The following MGAT5 variants were observed in gnomAD, a reference collection of about 807,000 sequenced individuals.
MGAT5 encodes the protein alpha-1,6-mannosylglycoprotein 6-beta-N-acetylglucosaminyltransferase A.
In MGAT5, 30 loss-of-function variants were observed where a neutral mutation model predicts 94.3. The observed-to-expected ratio is 0.32, with a 90% CI of 0.24 to 0.43. MGAT5 has a LOEUF of 0.43. MGAT5 is among the 20% of genes least tolerant of loss of function. MGAT5 has a pLI of 1.00. For synonymous variants in MGAT5, 310 were observed against 322.9 expected, an observed-to-expected ratio of 0.96 and a Z score of 0.43; for missense variants, 691 against 905.5, an observed-to-expected ratio of 0.76 and a Z score of 3.04.
intron 1 of MGAT5, among the ~76,000 whole-genome samples, chr2:134,187,762 C>T (rs905549150): frequency 3.9e-5 from 6 of 152,234 alleles, no homozygotes; most frequent in Non-Finnish European, 8.8e-5. Context: ...AGGCCACCCA[C>T]TGATCTCATT....
At chr2:134,415,036 T>C (rs1173695204) in intron 12 of MGAT5, among the ~76,000 whole-genome samples, 1 of 152,250 alleles carries the variant, frequency 6.6e-6, no homozygotes, top group African/African-American at 2.4e-5. Context: ...ACTTAGTTTG[T>C]TTCCATATCT....
At chr2:134,240,156 C>T (rs2105440618) in intron 1 of MGAT5, among the ~76,000 whole-genome samples, 1 of 152,264 alleles carries the variant, frequency 6.6e-6, no homozygotes, top group South Asian at 2.1e-4. Flanking sequence ...TTTCACCTGG[C>T]CTTTCTCTTC....
chr2:134,209,156 T>A lies in MGAT5; in HGVS notation c.-142-45106T>A, dbSNP rs1409799003. Among the ~76,000 whole-genome samples, 29 of 20,166 alleles carry A rather than the reference T, an allele frequency of 1.4e-3. 8 individuals carry two copies. The highest frequency in any genetic ancestry group is 5.3e-3 in the African/African-American group (4 of 750). 13.2% of individuals were successfully genotyped at this position (20,166 alleles called of 152,430 possible). A position where few individuals can be genotyped will look rare whatever the true frequency, so the allele number is the denominator to read the frequency against. Reference sequence around the variant, plus strand: ...GAACTGGCTTATTTTTTTTTTATTTTTTTTTTTTTTTTTATTTTTTTTTTT... The same window carrying A: ...GAACTGGCTTATTTTTTTTTTATTTATTTTTTTTTTTTTATTTTTTTTTTT... On this transcript the variant is annotated intron_variant, in intron 1 of 16. Coordinates refer to the MGAT5 transcript ENST00000409645.
intron 13 of MGAT5, among the ~76,000 whole-genome samples, chr2:134,427,592 T>C (rs867844727): frequency 6.6e-6 from 1 of 152,204 alleles, no homozygotes; most frequent in African/African-American, 2.4e-5. Context: ...CCCATAATAC[T>C]GAGCTGCAGT....
chr2:134,269,062 T>G (rs549714508), intron 1 of MGAT5, among the ~76,000 whole-genome samples: 1 of 152,360 alleles, frequency 6.6e-6, no homozygotes, highest in Middle Eastern at 3.4e-3. Flanking sequence ...CGGAGTCACA[T>G]CTACCTCATG....
chr2:134,426,734 C>T (rs1203306865), intron 13 of MGAT5, among the ~76,000 whole-genome samples: 1 of 149,282 alleles, frequency 6.7e-6, no homozygotes, highest in Admixed American at 6.6e-5. Context: ...AAAAATTTTA[C>T]ATTTTGTGTG....
chr2:134,154,981 C>T (rs575081759), intron 1 of MGAT5, among the ~76,000 whole-genome samples: 1 of 152,276 alleles, frequency 6.6e-6, no homozygotes, highest in Non-Finnish European at 1.5e-5. Flanking sequence ...AATGCTAACT[C>T]TTAGGAATAA....
chr2:134,403,240 G>A (rs1235522582), intron 11 of MGAT5, 103 bp downstream of exon 11: 1 of 1,286,802 alleles, frequency 7.8e-7, no homozygotes, highest in Non-Finnish European at 1.0e-6. Flanking sequence ...ATAAACTCTT[G>A]TGGCTATTTT....
chr2:134,409,855 C>T (rs928491651), intron 11 of MGAT5, among the ~76,000 whole-genome samples: 6 of 152,132 alleles, frequency 3.9e-5, no homozygotes, highest in Non-Finnish European at 5.9e-5. Context: ...GTGAAGAAAA[C>T]GTATGGTGCC....
At chr2:134,397,797 G>A (rs1167205454) in intron 10 of MGAT5, among the ~76,000 whole-genome samples, 1 of 152,212 alleles carries the variant, frequency 6.6e-6, no homozygotes, top group Non-Finnish European at 1.5e-5. Flanking sequence ...AGTTCATGCA[G>A]GAGGGGGCTG....
At chr2:134,429,848 A>G (rs1684790535) in intron 14 of MGAT5, among the ~76,000 whole-genome samples, 1 of 152,238 alleles carries the variant, frequency 6.6e-6, no homozygotes, top group Non-Finnish European at 1.5e-5. Flanking sequence ...ATCATAATAT[A>G]ACATCTAATT....
In MGAT5 at chr2:134,338,412, C is replaced by T. The variant is rs1688452604; in HGVS notation, c.799C>T (p.Arg267Trp). The T allele has an allele frequency of 8.8e-6, 14 of 1,597,856 alleles. No individual in the cohort carries two copies. Among genetic ancestry groups the T allele is most frequent in the East Asian group, 2.2e-5 (1 of 44,676 alleles). Residue 267 changes from arginine (R) to tryptophan (W), a missense_variant, in exon 6 of 16, where the codon CGG becomes TGG. By Grantham distance (101) the Arg-to-Trp change is moderately radical (BLOSUM62 -3). Coordinates refer to ENST00000281923, the MANE Select transcript of MGAT5 (RefSeq NM_002410.5). ...AEKQNLEKRK[R>W]KKVLVHLGLL... ...AAAGCAGAACCTTGAAAAGAGAAAG[C>T]GGAAGAAAGTGAGTTTCTTATTAAT...
intron 1 of MGAT5, among the ~76,000 whole-genome samples, chr2:134,173,209 A>AT (rs34900395): frequency 6.6e-6 from 1 of 152,174 alleles, no homozygotes; most frequent in Non-Finnish European, 1.5e-5. Flanking sequence ...CCATATATAC[A>AT]TCCCACACCC....
chr2:134,206,675 G>T (rs1333220659), intron 1 of MGAT5, among the ~76,000 whole-genome samples: 2 of 152,138 alleles, frequency 1.3e-5, no homozygotes, highest in African/African-American at 4.8e-5. Flanking sequence ...GTCAAGATGG[G>T]CCCTAAATGC....
chr2:134,441,047 G>T (rs1013733707), intron 14 of MGAT5, among the ~76,000 whole-genome samples: 1 of 152,194 alleles, frequency 6.6e-6, no homozygotes, highest in Admixed American at 6.5e-5. Context: ...CAATTAGCCT[G>T]TTGTAAAATT....
intron 2 of MGAT5, among the ~76,000 whole-genome samples, chr2:134,316,456 G>T (rs529816295): frequency 2.0e-5 from 3 of 152,216 alleles, no homozygotes; most frequent in Non-Finnish European, 4.4e-5. Flanking sequence ...TGGAGAGTGG[G>T]TTGGGTATCT....
chr2:134,147,619 A>G (rs1360322960), intron 1 of MGAT5, among the ~76,000 whole-genome samples: 1 of 151,852 alleles, frequency 6.6e-6, no homozygotes, highest in African/African-American at 2.4e-5. Flanking sequence ...AAGAAAAGAA[A>G]AAAAAGGAAC....
intron 1 of MGAT5, among the ~76,000 whole-genome samples, chr2:134,241,506 C>T (rs1168106084): frequency 1.3e-5 from 2 of 152,128 alleles, no homozygotes; most frequent in Non-Finnish European, 2.9e-5. Context: ...TATATAAATT[C>T]AGAATGAATT....
intron 7 of MGAT5, 34 bp from the exon 8 acceptor site, chr2:134,344,896 C>CT (rs759221737): frequency 7.5e-6 from 12 of 1,601,604 alleles, no homozygotes; most frequent in African/African-American, 4.0e-5. Flanking sequence ...TGATTTTTCT[C>CT]TTTTTTCTCC....
Sources: gnomAD v4.1 joint callset for allele counts (sites outside exome capture counted in the v4.1 genomes callset) on GRCh38, gnomAD v4.1.1 for gene constraint, MANE v1.5 for transcripts, NCBI Gene and HGNC (gene_info 2026-07-23, HGNC 2026-07-21) for gene names.